Variants in CECR2 observed in about 807,000 individuals in gnomAD.
The protein encoded by CECR2 is chromatin remodeling regulator CECR2.
Under a neutral mutation model 154.5 loss-of-function variants are expected in CECR2, and 30 were observed. The observed-to-expected ratio is 0.19, with a 90% CI of 0.15 to 0.26. The LOEUF (loss-of-function observed/expected upper bound fraction) is 0.26, where lower values mean the gene tolerates loss of function less well. CECR2 is among the 10% of genes least tolerant of loss of function. CECR2 has a pLI of 1.00. For synonymous variants in CECR2, 725 were observed against 683.7 expected (o/e 1.06, Z -0.94); for missense variants, 1,743 against 1,829.3 (o/e 0.95, Z 0.86).
Position 17,495,679 on chromosome 22 carries a change from A to G in CECR2, c.222-1724A>G, listed in dbSNP as rs1466773633. Among the ~76,000 whole-genome samples the G allele has an allele frequency of 3.3e-5, 5 of 151,768 alleles. 1 individual carries two copies. On this transcript the variant is annotated intron_variant, in intron 2 of 18. Coordinates refer to ENST00000262608, the MANE Select transcript of CECR2 (RefSeq NM_001290047.2). ...AAATCGAGACCATCCTGGCTAACAC[A>G]GTGAAACCCTGTCTCTACTAAAAAT...
At chr22:17,457,877 G>A (rs751599422) in intron 1 of CECR2, among the ~76,000 whole-genome samples, 76 of 152,194 alleles carry the variant, frequency 5.0e-4, no homozygotes, top group Non-Finnish European at 6.5e-4. Context: ...CAAGGAAATT[G>A]TGCTGAGTGA....
intron 16 of CECR2, among the ~76,000 whole-genome samples, chr22:17,543,913 A>G (rs1330112994): frequency 6.6e-6 from 1 of 152,172 alleles, no homozygotes; most frequent in African/African-American, 2.4e-5. Context: ...TACTGTTACT[A>G]TCCTTGTTTT....
intron 1 of CECR2, among the ~76,000 whole-genome samples, chr22:17,467,364 C>T (rs2055050378): frequency 1.3e-5 from 2 of 152,118 alleles, no homozygotes; most frequent in African/African-American, 4.8e-5. Context: ...CTGTAGATGC[C>T]ATGAAACCCT....
chr22:17,378,232 C>G (rs753848058), intron 1 of CECR2, among the ~76,000 whole-genome samples: 14 of 151,172 alleles, frequency 9.3e-5, no homozygotes, highest in Non-Finnish European at 1.8e-4. Flanking sequence ...ATCCGCCCGC[C>G]TTGGCCTCCC....
At chr22:17,460,445 G>A (rs1052948858) in intron 1 of CECR2, among the ~76,000 whole-genome samples, 1 of 152,172 alleles carries the variant, frequency 6.6e-6, no homozygotes, top group Admixed American at 6.5e-5. Flanking sequence ...CCTGACCTCA[G>A]GTGATCCGCC....
At chr22:17,391,485 C>G (rs1469467497) in intron 1 of CECR2, among the ~76,000 whole-genome samples, 1 of 152,224 alleles carries the variant, frequency 6.6e-6, no homozygotes, top group Non-Finnish European at 1.5e-5. Flanking sequence ...GTCACTTAGC[C>G]CTGTTGAGCC....
intron 1 of CECR2, among the ~76,000 whole-genome samples, chr22:17,404,608 C>T (rs1487701431): frequency 6.9e-5 from 9 of 131,044 alleles, no homozygotes; most frequent in African/African-American, 1.3e-4. Context: ...CTCCTGACCT[C>T]GTGATCCACC....
chr22:17,427,267 A>G (rs1367964204), intron 1 of CECR2, among the ~76,000 whole-genome samples: 1 of 152,144 alleles, frequency 6.6e-6, no homozygotes. Flanking sequence ...TACCATTGAT[A>G]GACATTTGGG....
intron 1 of CECR2, among the ~76,000 whole-genome samples, chr22:17,399,919 C>T (rs1356942682): frequency 1.3e-5 from 2 of 152,032 alleles, no homozygotes; most frequent in Non-Finnish European, 2.9e-5. Flanking sequence ...AATTTTGGAC[C>T]TCACATTTAA....
At chr22:17,468,026 AG>A (rs1406370004) in intron 1 of CECR2, among the ~76,000 whole-genome samples, 1 of 152,162 alleles carries the variant, frequency 6.6e-6, no homozygotes, top group Non-Finnish European at 1.5e-5. Flanking sequence ...GTAGAAGGAG[AG>A]GGCAGTCGTC....
At chr22:17,505,383 C>T (rs187746950) in intron 7 of CECR2, among the ~76,000 whole-genome samples, 3 of 152,062 alleles carry the variant, frequency 2.0e-5, no homozygotes, top group East Asian at 1.9e-4. Flanking sequence ...GTCCTTGTAG[C>T]TCCATTGCCA....
At chr22:17,428,690 C>G (rs1241956669) in intron 1 of CECR2, 3 of 151,972 alleles carry the variant, frequency 2.0e-5, no homozygotes, top group Non-Finnish European at 4.4e-5. Flanking sequence ...GTTGCCTGGG[C>G]TGGTCTCGAA....
In CECR2 at chr22:17,542,555, T is replaced by G. The variant is rs2056544014; in HGVS notation, c.2412T>G (p.Thr804=). 3 of 1,613,774 alleles carry G rather than the reference T, an allele frequency of 1.9e-6. No homozygotes were observed. In the South Asian group the frequency reaches 3.3e-5, roughly 18 times the overall value. ...CAGGACCCTCTCACCAGCCTCGCACTCTCGGTCACGTGATGGATTCCCGAG... is the reference window on the plus strand; with the variant it reads ...CAGGACCCTCTCACCAGCCTCGCACGCTCGGTCACGTGATGGATTCCCGAG... ...LGPGPSHQPR[T]LGHVMDSRVM... Residue 804 remains threonine, a synonymous_variant, in exon 16 of 19, where the codon ACT becomes ACG. Transcript: ENST00000262608.
chr22:17,413,691 T>TTATTATTATTATTA, intron 1 of CECR2, among the ~76,000 whole-genome samples: 1 of 148,552 alleles, frequency 6.7e-6, no homozygotes, highest in African/African-American at 2.6e-5. Flanking sequence ...TATTATTATT[T>TTATTATTATTATTA]TTTGAGATGG....
At chr22:17,441,938 G>A (rs1171446463) in intron 1 of CECR2, among the ~76,000 whole-genome samples, 3 of 152,140 alleles carry the variant, frequency 2.0e-5, no homozygotes, top group African/African-American at 7.2e-5. Context: ...TACAATTTTT[G>A]TCTCTCACAA....
intron 1 of CECR2, among the ~76,000 whole-genome samples, chr22:17,378,446 A>G (rs542444880): frequency 4.2e-4 from 63 of 150,712 alleles, no homozygotes; most frequent in African/African-American, 1.3e-3. Context: ...ACAGGTGCCC[A>G]CCACCACGCC....
At chr22:17,435,663 C>A (rs1240784813) in intron 1 of CECR2, among the ~76,000 whole-genome samples, 1 of 144,490 alleles carries the variant, frequency 6.9e-6, no homozygotes, top group Non-Finnish European at 1.5e-5. Context: ...AGAATAGACT[C>A]CCTTGAGCTC....
rs913075107 is a variant in CECR2, at chr22:17,460,673, T to C, written c.127-16915T>C. 2.0e-4 allele frequency among the ~76,000 whole-genome samples: 27 copies of C among 137,570 alleles called. No individual in the cohort carries two copies. In the South Asian group the frequency reaches 2.3e-3, roughly 12 times the overall value. 90.3% of individuals were successfully genotyped at this position (137,570 alleles called of 152,430 possible). A position where few individuals can be genotyped will look rare whatever the true frequency, so the allele number is the denominator to read the frequency against. ...CTTCAGGTTGACAAGTCTTAGATTG[T>C]ATGGAGAGTCTCTGCCTCTAGCCAG... On this transcript the variant is annotated intron_variant, in intron 1 of 18. Coordinates refer to ENST00000262608, the MANE Select transcript of CECR2 (RefSeq NM_001290047.2).
intron 8 of CECR2, 74 bp downstream of exon 8, chr22:17,511,970 C>A: frequency 8.9e-7 from 1 of 1,124,674 alleles, no homozygotes; most frequent in Non-Finnish European, 1.3e-6. Flanking sequence ...TACTTCCATT[C>A]CTGCCTTTTT....
Sources: allele counts gnomAD v4.1 joint callset (sites outside exome capture counted in the v4.1 genomes callset), GRCh38; gene constraint gnomAD v4.1.1; transcripts MANE v1.5; gene names NCBI Gene and HGNC (gene_info 2026-07-23, HGNC 2026-07-21).